Variants in RBFOX3 observed in about 807,000 individuals in gnomAD.
The protein encoded by RBFOX3 is RNA binding protein fox-1 homolog 3.
Under a neutral mutation model 48.7 loss-of-function variants are expected in RBFOX3, and 17 were observed. The observed-to-expected ratio is 0.35, with a 90% confidence interval of 0.24 to 0.52. RBFOX3 has a LOEUF of 0.52. Ranked by LOEUF, RBFOX3 falls within the 20% of genes least tolerant of loss-of-function variation. The pLI is 0.94. For synonymous variants in RBFOX3, 212 were observed against 209.5 expected (o/e 1.01, Z -0.10); for missense variants, 382 against 497.5 (o/e 0.77, Z 2.21).
chr17:79,127,617 G>A (rs1352393796), intron 4 of RBFOX3, among the ~76,000 whole-genome samples: 2 of 152,170 alleles, frequency 1.3e-5, no homozygotes, highest in Non-Finnish European at 2.9e-5. Flanking sequence ...AGGCCCAGGT[G>A]CCCCCGACCG....
intron 2 of RBFOX3, among the ~76,000 whole-genome samples, chr17:79,365,105 T>A (rs2057533482): frequency 6.6e-6 from 1 of 151,448 alleles, no homozygotes; most frequent in South Asian, 2.1e-4. Context: ...CCTCAACACT[T>A]TAGTTTCTGC....
At chr17:79,661,977 G>A in the RBFOX3 span, among the ~76,000 whole-genome samples, 1 of 151,816 alleles carries the variant, frequency 6.6e-6, no homozygotes, top group Admixed American at 6.6e-5. Flanking sequence ...TGTGCCCATT[G>A]CTCTTATTCT....
At chr17:79,377,018 G>T (rs2059299636) in intron 2 of RBFOX3, among the ~76,000 whole-genome samples, 1 of 152,150 alleles carries the variant, frequency 6.6e-6, no homozygotes, top group Admixed American at 6.5e-5. Context: ...TGCAGGTTGA[G>T]TTTGGGGGTG....
chr17:79,440,697 T>G (rs1831647936), intron 2 of RBFOX3, among the ~76,000 whole-genome samples: 1 of 152,144 alleles, frequency 6.6e-6, no homozygotes, highest in Admixed American at 6.5e-5. Flanking sequence ...AAGGTTGACC[T>G]TTGCCCTATG....
intron 1 of RBFOX3, among the ~76,000 whole-genome samples, chr17:79,553,065 G>T (rs888599938): frequency 2.6e-5 from 4 of 152,146 alleles, no homozygotes; most frequent in Non-Finnish European, 5.9e-5. Context: ...GCAAGAGTAG[G>T]CATCCTTGCT....
intron 3 of RBFOX3, among the ~76,000 whole-genome samples, chr17:79,271,559 G>A (rs2067708886): frequency 6.6e-6 from 1 of 152,296 alleles, no homozygotes; most frequent in South Asian, 2.1e-4. Flanking sequence ...GCATGCTGGA[G>A]CCCTCTCTCT....
chr17:79,211,528 G>A lies in RBFOX3; in HGVS notation c.-34+24238C>T, dbSNP rs1033544466. Among the ~76,000 whole-genome samples the A allele has an allele frequency of 1.8e-4, 27 of 152,302 alleles. No individual in the cohort carries two copies. The East Asian group carries it at 3.3e-3, about 19-fold the overall frequency. On this transcript the variant is annotated intron_variant, in intron 4 of 14. Transcript: ENST00000693108. Reference sequence around the variant, plus strand: ...GGACTGGCTCCAGGTGGACGCTGGCGTGCAGTTAACAGGGATAGGGGCCGT... The same window carrying A: ...GGACTGGCTCCAGGTGGACGCTGGCATGCAGTTAACAGGGATAGGGGCCGT...
intron 3 of RBFOX3, among the ~76,000 whole-genome samples, chr17:79,275,834 T>G (rs1397679390): frequency 6.6e-6 from 1 of 152,078 alleles, no homozygotes; most frequent in Non-Finnish European, 1.5e-5. Context: ...TTCCTCTAAA[T>G]CCAGAGCCAC....
intron 2 of RBFOX3, among the ~76,000 whole-genome samples, chr17:79,458,980 C>T (rs528643424): frequency 2.6e-5 from 4 of 152,326 alleles, no homozygotes; most frequent in South Asian, 2.1e-4. Context: ...GAATGTGAAG[C>T]GCGGCCGTGG....
intron 2 of RBFOX3, among the ~76,000 whole-genome samples, chr17:79,464,880 T>A (rs185696646): frequency 6.6e-6 from 1 of 152,332 alleles, no homozygotes; most frequent in Admixed American, 6.5e-5. Flanking sequence ...CCTCAGTCCC[T>A]GCAGAAGCTC....
rs948625353 is a variant in RBFOX3 at position 79,581,377 on chromosome 17, T to C, written c.-320+29449A>G. ...ACTTCCCCTCGGGCTCAAGTGGATC[T>C]GACCACTCCTTCAGGGGTTGCCCTT... On this transcript the variant is annotated intron_variant, in intron 1 of 14. Transcript: ENST00000693108. Among the ~76,000 whole-genome samples, 3 of 152,366 alleles carry C rather than the reference T, an allele frequency of 2.0e-5. No homozygotes were observed. The South Asian group carries it at 6.2e-4, about 32-fold the overall frequency.
At chr17:79,118,749 G>A (rs1199437596) in intron 4 of RBFOX3, among the ~76,000 whole-genome samples, 1 of 151,520 alleles carries the variant, frequency 6.6e-6, no homozygotes, top group African/African-American at 2.4e-5. Context: ...GAGGTGGGAG[G>A]ATTGCTTGAG....
At chr17:79,105,830 C>A (rs530928716) in intron 6 of RBFOX3, among the ~76,000 whole-genome samples, 5 of 152,148 alleles carry the variant, frequency 3.3e-5, no homozygotes, top group African/African-American at 1.2e-4. Flanking sequence ...AGAAACACGG[C>A]CGGGCTGCGT....
At chr17:79,561,622 T>C (rs36187030) in intron 1 of RBFOX3, among the ~76,000 whole-genome samples, 105,872 of 151,996 alleles carry the variant, frequency 0.7, 37,011 homozygotes, top group East Asian at 0.86. Flanking sequence ...GAGTGCCCAG[T>C]GTATGCAGAC....
chr17:79,490,908 G>C (rs1204127536), intron 1 of RBFOX3, among the ~76,000 whole-genome samples: 2 of 150,784 alleles, frequency 1.3e-5, no homozygotes, highest in Non-Finnish European at 2.9e-5. Flanking sequence ...GTGCATGAAA[G>C]AGTGAAGAGC....
At position 79,251,354 on chromosome 17, in the gene RBFOX3, C is replaced by T. The variant is rs542820102; in HGVS notation, c.-73-15549G>A. Among the ~76,000 whole-genome samples the T allele has an allele frequency of 6.6e-5, 10 of 152,320 alleles. 1 individual carries two copies. The South Asian group carries it at 1.9e-3, about 28-fold the overall frequency. On this transcript the variant is annotated intron_variant, in intron 3 of 14. Transcript: ENST00000693108. ...AGACGAGGGCCTCTCCCGAAACCTC[C>T]TCTACCGCTGCCCCTCCCAGTATAG...
intron 4 of RBFOX3, chr17:79,235,102 G>A (rs1195832190): frequency 3.3e-5 from 5 of 152,124 alleles, no homozygotes; most frequent in Non-Finnish European, 7.3e-5. Flanking sequence ...CCCCATTGAA[G>A]GTCCAGAAGC....
At chr17:79,210,619 G>C (rs376165136) in intron 4 of RBFOX3, among the ~76,000 whole-genome samples, 1 of 152,202 alleles carries the variant, frequency 6.6e-6, no homozygotes, top group Non-Finnish European at 1.5e-5. Flanking sequence ...ATATGGTCCC[G>C]GGGCGGGATT....
At chr17:79,142,582 G>C (rs1349471496) in intron 4 of RBFOX3, among the ~76,000 whole-genome samples, 1 of 151,938 alleles carries the variant, frequency 6.6e-6, no homozygotes, top group Non-Finnish European at 1.5e-5. Context: ...GCACGGTGGC[G>C]GGAGGCCACT....
Sources: allele counts gnomAD v4.1 joint callset (sites outside exome capture counted in the v4.1 genomes callset), GRCh38; gene constraint gnomAD v4.1.1; transcripts MANE v1.5; gene names NCBI Gene and HGNC (gene_info 2026-07-23, HGNC 2026-07-21).